NTM: variants seen among roughly 807,000 people sequenced by gnomAD.
NTM encodes the protein neurotrimin, also known as IgLON family member 2.
In NTM, 13 loss-of-function variants were observed where a neutral mutation model predicts 42.1. The observed-to-expected ratio is 0.31, with a 90% CI of 0.20 to 0.49. The LOEUF (loss-of-function observed/expected upper bound fraction) is 0.49, where lower values mean the gene tolerates loss of function less well. Among genes scored for constraint, NTM ranks in the 20% least tolerant of loss-of-function variants. The probability of loss-of-function intolerance (pLI) is 0.99; values close to 1 mark genes in which losing one functional copy is unlikely to be tolerated. For synonymous variants in NTM, 187 were observed against 179.2 expected (o/e 1.04, Z -0.35); for missense variants, 373 against 452.8 (o/e 0.82, Z 1.60).
intron 1 of NTM, among the ~76,000 whole-genome samples, chr11:131,414,408 C>A (rs1946735655): frequency 6.6e-6 from 1 of 152,198 alleles, no homozygotes; most frequent in Non-Finnish European, 1.5e-5. Context: ...TCTGATCCCT[C>A]TAAAGGGGCC....
At chr11:132,067,416 C>G (rs1466458234) in intron 2 of NTM, among the ~76,000 whole-genome samples, 1 of 152,230 alleles carries the variant, frequency 6.6e-6, no homozygotes, top group Non-Finnish European at 1.5e-5. Context: ...TAAGTGTCAT[C>G]AGCCCCAAAA....
rs1555060309 is a variant in NTM, at chr11:132,275,754, A to ATATACGTATATATATATGTGTG, written c.527-31931_527-31930insCGTATATATATATGTGTGTATA. ...TATATACGTATATATATATGTGTAT[A>ATATACGTATATATATATGTGTG]TATATATATATGTTATATAATGATC... On this transcript the variant is annotated intron_variant, in intron 4 of 8. Coordinates refer to ENST00000683400, the MANE Select transcript of NTM (RefSeq NM_001352005.2). 8.0e-4 allele frequency among the ~76,000 whole-genome samples: 117 copies of ATATACGTATATATATATGTGTG among 146,358 alleles called. 1 individual carries two copies. The highest frequency in any genetic ancestry group is 2.7e-3 in the African/African-American group (109 of 39,822).
chr11:131,711,215 T>A (rs925491560), intron 1 of NTM, among the ~76,000 whole-genome samples: 13 of 152,092 alleles, frequency 8.5e-5, no homozygotes, highest in African/African-American at 3.1e-4. Context: ...CGGAGAAAAT[T>A]TTTGCAACCT....
At chr11:132,227,191 G>A (rs542941404) in intron 4 of NTM, among the ~76,000 whole-genome samples, 1 of 152,292 alleles carries the variant, frequency 6.6e-6, no homozygotes, top group African/African-American at 2.4e-5. Context: ...ACAATTGGGA[G>A]ATGAGAAGGA....
At chr11:131,919,417 T>C (rs1196827362) in intron 2 of NTM, among the ~76,000 whole-genome samples, 1 of 152,172 alleles carries the variant, frequency 6.6e-6, no homozygotes, top group Non-Finnish European at 1.5e-5. Context: ...CAATTTCAAA[T>C]TGCATGTGTG....
At chr11:131,397,900 C>A (rs1275556470) in intron 1 of NTM, among the ~76,000 whole-genome samples, 1 of 152,200 alleles carries the variant, frequency 6.6e-6, no homozygotes, top group Non-Finnish European at 1.5e-5. Context: ...CATCTGTCTG[C>A]CCTTCACTTG....
chr11:132,288,045 A>G (rs1227341724), intron 4 of NTM, among the ~76,000 whole-genome samples: 1 of 152,256 alleles, frequency 6.6e-6, no homozygotes, highest in Non-Finnish European at 1.5e-5. Flanking sequence ...GTGAAAAATA[A>G]TCTCCTTTTA....
chr11:131,866,585 C>A (rs2047247087), intron 1 of NTM, among the ~76,000 whole-genome samples: 1 of 152,240 alleles, frequency 6.6e-6, no homozygotes, highest in African/African-American at 2.4e-5. Flanking sequence ...CCCTCCCCTG[C>A]AAATCTATAT....
At chr11:131,920,478 C>A (rs1332667257) in intron 2 of NTM, among the ~76,000 whole-genome samples, 1 of 152,218 alleles carries the variant, frequency 6.6e-6, no homozygotes, top group Admixed American at 6.5e-5. Flanking sequence ...GATGGGATCA[C>A]AGGAAGAGTC....
At chr11:132,174,154 GT>G in intron 3 of NTM, among the ~76,000 whole-genome samples, 1 of 152,248 alleles carries the variant, frequency 6.6e-6, no homozygotes, top group South Asian at 2.1e-4. Flanking sequence ...TTTCAACACT[GT>G]TTATTAGCAA....
At chr11:131,538,096 G>C (rs541750686) in intron 1 of NTM, 16 of 152,154 alleles carry the variant, frequency 1.1e-4, no homozygotes, top group Non-Finnish European at 2.1e-4. Flanking sequence ...CATATTTATT[G>C]CTTGTTTGCT....
chr11:131,911,434 C>T, intron 1 of NTM, 130 bp from the exon 2 acceptor site: 2 of 1,613,004 alleles, frequency 1.2e-6, no homozygotes, highest in South Asian at 1.1e-5. Context: ...GCCCGGGGGG[C>T]GTGTGCCGTG....
intron 1 of NTM, among the ~76,000 whole-genome samples, chr11:131,495,994 C>T (rs1245948670): frequency 5.9e-5 from 9 of 152,142 alleles, no homozygotes; most frequent in South Asian, 2.1e-4. Flanking sequence ...CCAACTCTGC[C>T]GAACTTGAGA....
rs534178664 is a variant in NTM at position 131,653,643 on chromosome 11, T to C, written c.83-257921T>C. ...TGCAAAGCTGGAGCCAGCTTGCTGC[T>C]CCTACCCGAGTGCCTGGAGCTGAGA... is the stretch of plus-strand genomic sequence containing the variant. On this transcript the variant is annotated intron_variant, in intron 1 of 8. Transcript: ENST00000683400. Among the ~76,000 whole-genome samples, 367 of 152,336 alleles carry C rather than the reference T, an allele frequency of 2.4e-3. 2 individuals are homozygous for C. The highest frequency in any genetic ancestry group is 4.1e-3 in the Non-Finnish European group (277 of 68,036).
At chr11:132,041,511 T>A (rs1169987564) in intron 2 of NTM, among the ~76,000 whole-genome samples, 3 of 152,224 alleles carry the variant, frequency 2.0e-5, no homozygotes, top group African/African-American at 7.2e-5. Flanking sequence ...ATTTTATTTT[T>A]GTCTCTGGGC....
chr11:131,854,448 C>T (rs977624599), intron 1 of NTM, among the ~76,000 whole-genome samples: 2 of 152,142 alleles, frequency 1.3e-5, no homozygotes, highest in Admixed American at 6.5e-5. Context: ...AAAGTCTTTC[C>T]GAGGATGTGA....
intron 3 of NTM, among the ~76,000 whole-genome samples, chr11:132,181,488 C>G (rs570512209): frequency 6.6e-6 from 1 of 152,256 alleles, no homozygotes; most frequent in East Asian, 1.9e-4. Flanking sequence ...TTTTTATTAT[C>G]CTTGGTACCT....
intron 1 of NTM, among the ~76,000 whole-genome samples, chr11:131,862,939 T>C (rs1468081537): frequency 6.6e-6 from 1 of 152,204 alleles, no homozygotes; most frequent in African/African-American, 2.4e-5. Context: ...AGAAGTGACA[T>C]TGAGGTCATC....
intron 3 of NTM, among the ~76,000 whole-genome samples, chr11:132,148,861 T>C (rs1299760383): frequency 6.6e-6 from 1 of 152,126 alleles, no homozygotes; most frequent in Non-Finnish European, 1.5e-5. Flanking sequence ...TTCACTCACA[T>C]CCAAGCTAAT....
Sources: gnomAD v4.1 joint callset for allele counts (sites outside exome capture counted in the v4.1 genomes callset) on GRCh38, gnomAD v4.1.1 for gene constraint, MANE v1.5 for transcripts, NCBI Gene and HGNC (gene_info 2026-07-23, HGNC 2026-07-21) for gene names.